Variants in NGLY1 observed in about 807,000 individuals in gnomAD.
NGLY1 encodes peptide-N(4)-(N-acetyl-beta-glucosaminyl)asparagine amidase.
Under a neutral mutation model 84.6 loss-of-function variants are expected in NGLY1, and 68 were observed. That is an observed-to-expected ratio of 0.80 (90% confidence interval 0.66 to 0.98). NGLY1 has a LOEUF of 0.98. Ranked by LOEUF, NGLY1 falls within the 50% of genes least tolerant of loss-of-function variation. NGLY1 has a pLI of 0.00. For missense variants in NGLY1, 779 were observed against 770.2 expected, an observed-to-expected ratio of 1.01 and a Z score of -0.14; for synonymous variants, 280 against 275.2, an observed-to-expected ratio of 1.02 and a Z score of -0.17.
At chr3:25,758,083 A>G (rs1707129210) in intron 3 of NGLY1, among the ~76,000 whole-genome samples, 1 of 152,240 alleles carries the variant, frequency 6.6e-6, no homozygotes, top group African/African-American at 2.4e-5. Context: ...TAATAATAAG[A>G]GCACACATTA....
intron 9 of NGLY1, among the ~76,000 whole-genome samples, chr3:25,730,914 A>C (rs1705505379): frequency 6.6e-6 from 1 of 152,046 alleles, no homozygotes; most frequent in South Asian, 2.1e-4. Flanking sequence ...ATTTTATTAA[A>C]TGCTCTCCAG....
intron 3 of NGLY1, among the ~76,000 whole-genome samples, chr3:25,761,668 A>G (rs1707328949): frequency 6.6e-6 from 1 of 152,200 alleles, no homozygotes; most frequent in South Asian, 2.1e-4. Context: ...AAACATAAAT[A>G]TAAACTTACC....
At chr3:25,750,058 G>T (rs1346482297) in intron 4 of NGLY1, among the ~76,000 whole-genome samples, 1 of 152,134 alleles carries the variant, frequency 6.6e-6, no homozygotes, top group African/African-American at 2.4e-5. Context: ...TAAAGAAGAG[G>T]TTTAATTGAC....
chr3:25,780,265 C>T (rs1156875438), intron 1 of NGLY1, among the ~76,000 whole-genome samples: 1 of 152,176 alleles, frequency 6.6e-6, no homozygotes, highest in African/African-American at 2.4e-5. Context: ...TTGTGCACTG[C>T]AGAACATTCG....
upstream of NGLY1, among the ~76,000 whole-genome samples, chr3:25,787,367 G>T (rs180690066): frequency 6.6e-6 from 1 of 152,074 alleles, no homozygotes; most frequent in Non-Finnish European, 1.5e-5. Flanking sequence ...TCAGAGCCTC[G>T]TGTTTCATCC....
intron 3 of NGLY1, chr3:25,755,469 T>A: frequency 6.8e-7 from 1 of 1,464,866 alleles, no homozygotes; most frequent in Non-Finnish European, 9.6e-7. Context: ...AGCCAAAGAT[T>A]TAACAGTGCA....
chr3:25,722,272 C>CATATATAT (rs1308204639), intron 10 of NGLY1, among the ~76,000 whole-genome samples: 41 of 67,294 alleles, frequency 6.1e-4, no homozygotes, highest in African/African-American at 1.1e-3. Flanking sequence ...TCTGTATACA[C>CATATATAT]ACATATATAT....
At chr3:25,780,001 G>A (rs1378608570) in intron 1 of NGLY1, among the ~76,000 whole-genome samples, 1 of 152,168 alleles carries the variant, frequency 6.6e-6, no homozygotes, top group Non-Finnish European at 1.5e-5. Context: ...AAGAAGTAGA[G>A]AAATTGAATG....
rs139377441 is a variant in NGLY1 at position 25,719,494 on chromosome 3, C to A, written c.1931G>T (p.Cys644Phe). Residue 644 changes from cysteine to phenylalanine, a missense_variant, in exon 12 of 12, where the codon TGT (cysteine) becomes TTT (phenylalanine). Cys to Phe is a radical substitution (Grantham distance 205, BLOSUM62 -2). Transcript: ENST00000280700. The part of the protein sequence containing the change: ...RQSLNDHEEN[C>F]LEIIIKFSDL Reference sequence around the variant, plus strand: ...ACTGAATTTTATAATTATCTCCAAACAATTTTCTTCATGGTCATTTAAGCT... The same window carrying A: ...ACTGAATTTTATAATTATCTCCAAAAAATTTTCTTCATGGTCATTTAAGCT... 5 of 1,613,686 alleles carry A rather than the reference C, an allele frequency of 3.1e-6. No homozygotes were observed. The highest frequency in any genetic ancestry group is 4.2e-6 in the Non-Finnish European group (5 of 1,179,850).
upstream of NGLY1, among the ~76,000 whole-genome samples, chr3:25,787,623 A>G (rs1180669758): frequency 6.6e-6 from 1 of 152,236 alleles, no homozygotes; most frequent in South Asian, 2.1e-4. Flanking sequence ...GAAGGGAATG[A>G]GAGAGTTTAC....
In NGLY1 at chr3:25,719,563, C is replaced by T. The variant is rs1704872009; in HGVS notation, c.1862G>A (p.Gly621Glu). 6.2e-7 allele frequency: 1 copy of T among 1,614,004 alleles called. No homozygotes were observed. The highest frequency in any genetic ancestry group is 8.5e-7 in the Non-Finnish European group (1 of 1,179,914). ...EVILEAELSRGDGDVAWQHTQ... is the reference protein window; with the variant it reads ...EVILEAELSREDGDVAWQHTQ... ...GTGTTGCCAAGCGACATCACCATCT[C>T]CTCTGCTTAATTCTGCTTCCAAAAT... The change falls in exon 12 of 12, where the codon GGA becomes GAA. Residue 621 changes from glycine (G) to glutamate (E), a missense_variant. Coordinates refer to ENST00000280700, the MANE Select transcript of NGLY1 (RefSeq NM_018297.4).
chr3:25,755,747 GAATA>G, intron 3 of NGLY1: 3 of 919,414 alleles, frequency 3.3e-6, no homozygotes, highest in Non-Finnish European at 5.0e-6. Context: ...TACTGAACTA[GAATA>G]TTCTAGATCT....
chr3:25,723,013 T>A (rs995378584), intron 10 of NGLY1, among the ~76,000 whole-genome samples: 18 of 152,230 alleles, frequency 1.2e-4, no homozygotes, highest in African/African-American at 4.3e-4. Flanking sequence ...TACTCAAATT[T>A]ATCTCTCAAT....
At chr3:25,734,598 G>C in intron 7 of NGLY1, 1 of 171,302 alleles carries the variant, frequency 5.8e-6, no homozygotes, top group South Asian at 2.0e-4. Flanking sequence ...TGTAATCCCA[G>C]TTACTCAGGA....
At chr3:25,740,680 T>G (rs1176476099) in intron 4 of NGLY1, among the ~76,000 whole-genome samples, 1 of 151,478 alleles carries the variant, frequency 6.6e-6, no homozygotes, top group African/African-American at 2.4e-5. Context: ...AATAAAAAAC[T>G]ACAGAAAAAA....
chr3:25,768,735 T>C (rs1707743376), intron 2 of NGLY1, among the ~76,000 whole-genome samples: 2 of 151,748 alleles, frequency 1.3e-5, no homozygotes, highest in Non-Finnish European at 1.5e-5. Context: ...TTAGTAGAGA[T>C]GGGGTTTCAC....
chr3:25,782,988 G>A (rs1459917446), intron 1 of NGLY1: 1 of 391,812 alleles, frequency 2.6e-6, no homozygotes, highest in African/African-American at 2.1e-5. Context: ...CCCCGCTTCC[G>A]GGACTCCAGT....
Position 25,739,581 on chromosome 3 carries a change from G to A in NGLY1, c.877C>T (p.Pro293Ser), listed in dbSNP as rs775963261. Reference sequence around the variant, plus strand: ...TTTACCATCCAGGGCACCCACCTTGGGAATCGATTGCTGAACTGGCAGGCA... The same window carrying A: ...TTTACCATCCAGGGCACCCACCTTGAGAATCGATTGCTGAACTGGCAGGCA... ...CDACQFSNRFPRYNNPEKLLE... is the reference protein window; with the variant it reads ...CDACQFSNRFSRYNNPEKLLE... Residue 293 changes from proline (P) to serine (S), a missense_variant, in exon 5 of 12, where the codon CCA becomes TCA. Coordinates refer to ENST00000280700, the MANE Select transcript of NGLY1 (RefSeq NM_018297.4). The A allele has an allele frequency of 1.2e-6, 2 of 1,613,814 alleles. No individual in the cohort carries two copies. The highest frequency in any genetic ancestry group is 1.1e-5 in the South Asian group (1 of 91,058).
intron 3 of NGLY1, chr3:25,754,856 C>T: frequency 1.7e-6 from 1 of 599,726 alleles, no homozygotes; most frequent in Non-Finnish European, 3.0e-6. Flanking sequence ...GGAGAAAAAC[C>T]ATGAAATGAC....
Sources: gnomAD v4.1 joint callset for allele counts (sites outside exome capture counted in the v4.1 genomes callset) on GRCh38, gnomAD v4.1.1 for gene constraint, MANE v1.5 for transcripts, NCBI Gene and HGNC (gene_info 2026-07-23, HGNC 2026-07-21) for gene names.